STX8: variants seen among roughly 807,000 people sequenced by gnomAD.
STX8 encodes syntaxin-8.
STX8 carries 23 observed loss-of-function variants against 37.5 expected under a neutral mutation model. The ratio of observed to expected loss-of-function variants is 0.61; its 90% CI spans 0.44 to 0.87. The LOEUF is 0.87. Among genes scored for constraint, STX8 ranks in the 40% least tolerant of loss-of-function variants. STX8 has a pLI of 0.00. For synonymous variants in STX8, 115 were observed against 99.1 expected (o/e 1.16, Z -0.95); for missense variants, 313 against 284.7 (o/e 1.10, Z -0.71).
At chr17:9,283,758 T>C (rs1286740652) in intron 7 of STX8, among the ~76,000 whole-genome samples, 1 of 152,254 alleles carries the variant, frequency 6.6e-6, no homozygotes, top group Non-Finnish European at 1.5e-5. Flanking sequence ...CCTTGGTCTC[T>C]ATGGATTAAA....
chr17:9,421,764 T>C (rs1227915809), intron 6 of STX8, among the ~76,000 whole-genome samples: 1 of 152,092 alleles, frequency 6.6e-6, no homozygotes, highest in Non-Finnish European at 1.5e-5. Flanking sequence ...CCGCATGACA[T>C]GGTTTGGCTC....
chr17:9,383,680 G>T (rs919808446), intron 6 of STX8, among the ~76,000 whole-genome samples: 1 of 152,124 alleles, frequency 6.6e-6, no homozygotes, highest in Admixed American at 6.6e-5. Context: ...AGCTGTAAAG[G>T]TGCATTTGCA....
chr17:9,375,108 A>G (rs150510683), intron 7 of STX8, among the ~76,000 whole-genome samples: 38 of 150,716 alleles, frequency 2.5e-4, no homozygotes, highest in African/African-American at 8.0e-4. Context: ...TTTTTTCAGT[A>G]TCTACTTAAC....
intron 6 of STX8, among the ~76,000 whole-genome samples, chr17:9,416,262 A>AAAT (rs1913188528): frequency 6.6e-6 from 1 of 152,204 alleles, no homozygotes; most frequent in Non-Finnish European, 1.5e-5. Flanking sequence ...ACATCGAGAG[A>AAAT]AATGTAGCAT....
At chr17:9,388,508 A>G (rs538307709) in intron 6 of STX8, among the ~76,000 whole-genome samples, 111 of 152,010 alleles carry the variant, frequency 7.3e-4, no homozygotes, top group Non-Finnish European at 1.3e-3. Flanking sequence ...AATTTGACAT[A>G]AACATATACA....
Position 9,451,838 on chromosome 17 carries a change from G to C in STX8, c.541+39991C>G, listed in dbSNP as rs146543229. On this transcript the variant is annotated intron_variant, in intron 6 of 7. Coordinates refer to ENST00000306357, the MANE Select transcript of STX8 (RefSeq NM_004853.3). ...GGACACCATGAATTCTTAGAAAACG[G>C]AACAAAAGTTTCACTGCTTAGAAAA... Among the ~76,000 whole-genome samples the C allele has an allele frequency of 3.9e-5, 6 of 152,070 alleles. No homozygotes were observed. In the East Asian group the frequency reaches 1.2e-3, roughly 29 times the overall value.
At chr17:9,568,649 C>T (rs974676618) in intron 1 of STX8, among the ~76,000 whole-genome samples, 179 bp from the exon 2 acceptor site, 2 of 152,136 alleles carry the variant, frequency 1.3e-5, no homozygotes, top group Non-Finnish European at 1.5e-5. Context: ...TACAGGCGCC[C>T]GCTATCATGC....
At chr17:9,327,662 G>A (rs1257879565) in intron 7 of STX8, among the ~76,000 whole-genome samples, 1 of 152,088 alleles carries the variant, frequency 6.6e-6, no homozygotes, top group Non-Finnish European at 1.5e-5. Flanking sequence ...TTTAGACAAG[G>A]TAGGGCAGAG....
intron 5 of STX8, among the ~76,000 whole-genome samples, chr17:9,499,759 C>T (rs958363449): frequency 3.9e-5 from 6 of 152,194 alleles, no homozygotes; most frequent in Non-Finnish European, 7.3e-5. Context: ...CTGCAACCTG[C>T]GCTGCCGCTC....
intron 6 of STX8, among the ~76,000 whole-genome samples, chr17:9,430,804 C>T (rs1209756815): frequency 1.3e-5 from 2 of 152,068 alleles, no homozygotes; most frequent in East Asian, 1.9e-4. Context: ...CGACCGCCAC[C>T]ATGCCTGGCT....
intron 7 of STX8, among the ~76,000 whole-genome samples, chr17:9,278,532 A>G (rs1220731369): frequency 6.6e-6 from 1 of 152,046 alleles, no homozygotes; most frequent in Non-Finnish European, 1.5e-5. Flanking sequence ...GTGAGAGGAG[A>G]GGAGGAAACA....
At chr17:9,508,440 C>G (rs1009487176) in intron 4 of STX8, among the ~76,000 whole-genome samples, 9 of 152,072 alleles carry the variant, frequency 5.9e-5, no homozygotes, top group East Asian at 1.9e-4. Flanking sequence ...GATTCTCCCT[C>G]CTCAGTCCTC....
intron 7 of STX8, among the ~76,000 whole-genome samples, chr17:9,311,845 CTTTT>C (rs909979572): frequency 2.0e-4 from 30 of 151,650 alleles, no homozygotes; most frequent in African/African-American, 6.5e-4. Context: ...GTTAAATTCT[CTTTT>C]TTTCTTTTTT....
intron 7 of STX8, among the ~76,000 whole-genome samples, chr17:9,289,513 A>T (rs533921966): frequency 5.1e-4 from 75 of 147,310 alleles, no homozygotes; most frequent in Admixed American, 4.3e-3. Context: ...ATACCCACAA[A>T]TTTTTTTTTT....
intron 7 of STX8, among the ~76,000 whole-genome samples, chr17:9,314,386 A>G (rs1276536857): frequency 3.3e-5 from 5 of 151,832 alleles, no homozygotes; most frequent in Admixed American, 3.3e-4. Context: ...TATATATTTT[A>G]TATCTGTTTT....
chr17:9,526,169 CGA>C (rs5819233), intron 4 of STX8, among the ~76,000 whole-genome samples: 70,516 of 151,788 alleles, frequency 0.46, 16,568 homozygotes, highest in South Asian at 0.67. Flanking sequence ...TTCAAAAGTA[CGA>C]GAGACAAAGC....
At chr17:9,261,048 G>A (rs12938346) in intron 7 of STX8, among the ~76,000 whole-genome samples, 27,674 of 152,222 alleles carry the variant, frequency 0.18, 3,058 homozygotes, top group Middle Eastern at 0.27. Context: ...TGGTCTAGAA[G>A]CAGGAAATTA....
intron 6 of STX8, chr17:9,469,727 A>G (rs1181538207): frequency 1.3e-5 from 2 of 152,214 alleles, no homozygotes; most frequent in East Asian, 1.9e-4. Context: ...AGAAAATGGT[A>G]AAATGAGTCT....
chr17:9,379,493 G>A (rs960395736), intron 6 of STX8, among the ~76,000 whole-genome samples: 2 of 152,166 alleles, frequency 1.3e-5, no homozygotes, highest in Middle Eastern at 3.2e-3. Context: ...CAGTGGTTGC[G>A]AGTGGGGAAG....
Sources: gnomAD v4.1 joint callset for allele counts (sites outside exome capture counted in the v4.1 genomes callset) on GRCh38, gnomAD v4.1.1 for gene constraint, MANE v1.5 for transcripts, NCBI Gene and HGNC (gene_info 2026-07-23, HGNC 2026-07-21) for gene names.